FBXO34: variants seen among roughly 807,000 people sequenced by gnomAD.
The protein encoded by FBXO34 is F-box protein 34, also known as F-box only protein 34.
Under a neutral mutation model 24.5 loss-of-function variants are expected in FBXO34, and 12 were observed. The ratio of observed to expected loss-of-function variants is 0.49; its 90% CI spans 0.31 to 0.79. The LOEUF is 0.79. Among genes scored for constraint, FBXO34 ranks in the 30% least tolerant of loss-of-function variants. The pLI is 0.04. For synonymous variants in FBXO34, 320 were observed against 311.9 expected (o/e 1.03, Z -0.27); for missense variants, 823 against 857.7 (o/e 0.96, Z 0.51).
the FBXO34 span, among the ~76,000 whole-genome samples, chr14:55,430,552 C>T: frequency 6.6e-6 from 1 of 152,056 alleles, no homozygotes; most frequent in African/African-American, 2.4e-5. Flanking sequence ...CAGGGGCATG[C>T]ACCACCACAC....
chr14:55,312,519 G>A lies in FBXO34; in HGVS notation c.-10-37862G>A, dbSNP rs141125452. 3.3e-5 allele frequency among the ~76,000 whole-genome samples: 5 copies of A among 152,122 alleles called. No individual in the cohort carries two copies. In the East Asian group the frequency reaches 5.8e-4, roughly 18 times the overall value. ...GGCTTCAACCCCACATTTCCCTTCC[G>A]CACTGCCCTAGCAGAGGTTCTCCAT... is the stretch of plus-strand genomic sequence containing the variant. On this transcript the variant is annotated intron_variant, in intron 1 of 1. Coordinates refer to ENST00000313833, the MANE Select transcript of FBXO34 (RefSeq NM_017943.4).
the FBXO34 span, chr14:55,380,661 T>C: frequency 6.2e-7 from 1 of 1,611,542 alleles, no homozygotes; most frequent in Admixed American, 1.7e-5. Context: ...GCAGCACTGA[T>C]GGTGTAGGCA....
intron 1 of FBXO34, among the ~76,000 whole-genome samples, chr14:55,299,409 G>A (rs1882264740): frequency 6.7e-6 from 1 of 148,752 alleles, no homozygotes; most frequent in Non-Finnish European, 1.5e-5. Flanking sequence ...GGTAGAGGGG[G>A]GTTGCGGGGC....
the FBXO34 span, chr14:55,414,240 G>A: frequency 4.6e-5 from 30 of 645,206 alleles, 1 homozygote; most frequent in South Asian, 5.3e-4. Flanking sequence ...TCGTTTCTTA[G>A]GTTACTTACA....
downstream of FBXO34, among the ~76,000 whole-genome samples, chr14:55,372,116 C>T (rs1032674362): frequency 2.6e-5 from 4 of 152,136 alleles, no homozygotes; most frequent in African/African-American, 9.7e-5. Context: ...GGTTACTAAA[C>T]CCTCAGGCTC....
At chr14:55,357,380 C>T (rs923085898), downstream of FBXO34, among the ~76,000 whole-genome samples, 2 of 152,090 alleles carry the variant, frequency 1.3e-5, no homozygotes, top group Non-Finnish European at 2.9e-5. Flanking sequence ...AACCTTTTAC[C>T]CTTTCTCCCA....
chr14:55,397,346 A>G, the FBXO34 span: 1 of 1,602,490 alleles, frequency 6.2e-7, no homozygotes, highest in Non-Finnish European at 8.5e-7. Flanking sequence ...ACCTCCACAA[A>G]TTAAAAGACA....
At chr14:55,296,519 C>T (rs960179720) in intron 1 of FBXO34, among the ~76,000 whole-genome samples, 7 of 150,952 alleles carry the variant, frequency 4.6e-5, no homozygotes, top group African/African-American at 1.5e-4. Flanking sequence ...ATCAGCCTCC[C>T]GAGTAGCTGG....
chr14:55,414,877 A>T, the FBXO34 span, among the ~76,000 whole-genome samples: 3 of 152,212 alleles, frequency 2.0e-5, no homozygotes, highest in African/African-American at 7.2e-5. Context: ...AATGAGCTTT[A>T]AATTTGTTTT....
At chr14:55,292,782 A>G (rs1227619123) in intron 1 of FBXO34, among the ~76,000 whole-genome samples, 2 of 152,182 alleles carry the variant, frequency 1.3e-5, no homozygotes, top group African/African-American at 4.8e-5. Context: ...GTACTGTGGC[A>G]TAGTAGATTA....
At chr14:55,369,625 G>T (rs755228078), downstream of FBXO34, 1 of 1,515,744 alleles carries the variant, frequency 6.6e-7, no homozygotes, top group Admixed American at 2.2e-5. Flanking sequence ...CTCGTTAACG[G>T]TGTCCAGTGT....
At chr14:55,327,908 G>GTTT (rs386381425) in intron 1 of FBXO34, among the ~76,000 whole-genome samples, 660 of 48,732 alleles carry the variant, frequency 0.014, 142 homozygotes, top group East Asian at 0.019. Context: ...GTTGTTGTTG[G>GTTT]TTTTTTTTTT....
chr14:55,350,239 A>G (rs544159833), intron 1 of FBXO34, 142 bp from the exon 2 acceptor site: 3 of 537,632 alleles, frequency 5.6e-6, no homozygotes, highest in South Asian at 7.4e-5. Flanking sequence ...AAAAACTATC[A>G]TGAGAGAGTT....
chr14:55,402,948 TATATATATATATATATATATAA>T, the FBXO34 span, among the ~76,000 whole-genome samples: 47 of 60,888 alleles, frequency 7.7e-4, 1 homozygote, highest in South Asian at 3.6e-3. Context: ...TATATATATA[TATATATATATATATATATATAA>T]ATAGCTGGGC....
intron 1 of FBXO34, among the ~76,000 whole-genome samples, chr14:55,323,017 C>CAAAAAAAAA (rs1444620301): frequency 2.4e-4 from 10 of 40,866 alleles, no homozygotes; most frequent in Non-Finnish European, 3.8e-4. Context: ...ACTAAAAATA[C>CAAAAAAAAA]AAAAAAAAAA....
At chr14:55,404,419 CG>C in the FBXO34 span, among the ~76,000 whole-genome samples, 1 of 152,222 alleles carries the variant, frequency 6.6e-6, no homozygotes, top group South Asian at 2.1e-4. Flanking sequence ...CTCTGCCATG[CG>C]CAAGTAAGCA....
chr14:55,300,025 C>G (rs1275980763), intron 1 of FBXO34, among the ~76,000 whole-genome samples: 1 of 152,038 alleles, frequency 6.6e-6, no homozygotes, highest in Non-Finnish European at 1.5e-5. Flanking sequence ...GAATCCTTGT[C>G]TTTTAAAGAT....
the FBXO34 span, among the ~76,000 whole-genome samples, chr14:55,408,579 T>C: frequency 1.7e-3 from 263 of 152,246 alleles, no homozygotes; most frequent in African/African-American, 5.9e-3. Context: ...GAGATCAGCC[T>C]GGACAAGATA....
In FBXO34 at chr14:55,331,683, A is replaced by G. The variant is rs1305723020; in HGVS notation, c.-10-18698A>G. 2.3e-3 allele frequency among the ~76,000 whole-genome samples: 135 copies of G among 58,902 alleles called. 9 individuals are homozygous for G. Among genetic ancestry groups the G allele is most frequent in the African/African-American group, 0.013 (94 of 7,002 alleles). The allele number at this position is 58,902 out of a possible 152,430, so 38.6% of individuals were successfully genotyped here. ...CAACATGGTGTGTGTATATATATATATGTGTATATATATATATATATGTAT... is the reference window on the plus strand; with the variant it reads ...CAACATGGTGTGTGTATATATATATGTGTGTATATATATATATATATGTAT... On this transcript the variant is annotated intron_variant, in intron 1 of 1. Transcript: ENST00000313833.
Sources: allele counts gnomAD v4.1 joint callset (sites outside exome capture counted in the v4.1 genomes callset), GRCh38; gene constraint gnomAD v4.1.1; transcripts MANE v1.5; gene names NCBI Gene and HGNC (gene_info 2026-07-23, HGNC 2026-07-21).